ASXL2: variants seen among roughly 807,000 people sequenced by gnomAD.
ASXL2 encodes the protein putative Polycomb group protein ASXL2.
ASXL2 carries 23 observed loss-of-function variants against 122.0 expected under a neutral mutation model. The observed-to-expected ratio is 0.19, with a 90% CI of 0.14 to 0.27. The LOEUF is 0.27. Ranked by LOEUF, ASXL2 falls within the 10% of genes least tolerant of loss-of-function variation. The pLI is 1.00. For synonymous variants in ASXL2, 650 were observed against 637.0 expected, an observed-to-expected ratio of 1.02 and a Z score of -0.31; for missense variants, 1,518 against 1,713.8, an observed-to-expected ratio of 0.89 and a Z score of 2.02.
chr2:25,845,545 T>A lies in ASXL2; in HGVS notation c.76A>T (p.Asn26Tyr). 6.9e-7 allele frequency: 1 copy of A among 1,444,706 alleles called. No homozygotes were observed. The highest frequency in any genetic ancestry group is 2.6e-5 in the East Asian group (1 of 38,626). The allele number at this position is 1,444,706 out of a possible 1,614,324, so 89.5% of individuals were successfully genotyped here. A position where few individuals can be genotyped will look rare whatever the true frequency, so the allele number is the denominator to read the frequency against. ...AAKTVLEKYP[N>Y]TPMSHKEILQ... is the part of the protein sequence containing the mutation. ...ATTTCTTTATGACTCATGGGTGTAT[T>A]GGGGTATTTTTCTAAGACCTGAAAA... The change falls in exon 2 of 13, where the codon AAT becomes TAT. Residue 26 changes from asparagine (N) to tyrosine (Y), a missense_variant. Coordinates refer to ENST00000435504, the MANE Select transcript of ASXL2 (RefSeq NM_018263.6).
At chr2:25,838,600 T>C (rs1023460195) in intron 2 of ASXL2, among the ~76,000 whole-genome samples, 4 of 152,228 alleles carry the variant, frequency 2.6e-5, no homozygotes, top group Middle Eastern at 3.4e-3. Context: ...TCCTGACAAA[T>C]AGTTTGTAAT....
At chr2:25,837,947 T>G (rs1420114483) in intron 2 of ASXL2, among the ~76,000 whole-genome samples, 1 of 125,488 alleles carries the variant, frequency 8.0e-6, no homozygotes, top group Non-Finnish European at 1.6e-5. Context: ...CAAAACCCTG[T>G]CTCTACAAAA....
At chr2:25,816,690 A>T (rs1283658870) in intron 3 of ASXL2, among the ~76,000 whole-genome samples, 3 of 152,250 alleles carry the variant, frequency 2.0e-5, no homozygotes, top group African/African-American at 7.2e-5. Flanking sequence ...ATATTGACCA[A>T]TAAAGCAAGC....
chr2:25,868,962 C>A (rs890809730), intron 1 of ASXL2, among the ~76,000 whole-genome samples: 22 of 151,952 alleles, frequency 1.4e-4, no homozygotes, highest in African/African-American at 4.8e-4. Context: ...GTCAGGAGTT[C>A]AAGACCAGCC....
At chr2:25,748,264 AGAG>A (rs1559499790) in intron 12 of ASXL2, among the ~76,000 whole-genome samples, 1 of 151,710 alleles carries the variant, frequency 6.6e-6, no homozygotes, top group Non-Finnish European at 1.5e-5. Context: ...TTTGGGAGGC[AGAG>A]GAGGGCAGAT....
chr2:25,844,787 ACACCAC>A (rs1375759093), intron 2 of ASXL2, among the ~76,000 whole-genome samples: 1 of 152,002 alleles, frequency 6.6e-6, no homozygotes, highest in Admixed American at 6.6e-5. Context: ...CTATAGGAGC[ACACCAC>A]CACATCTAGT....
At chr2:25,745,641 C>CTT (rs59530493) in intron 12 of ASXL2, among the ~76,000 whole-genome samples, 103 of 75,618 alleles carry the variant, frequency 1.4e-3, no homozygotes, top group Middle Eastern at 0.013. Context: ...TGATTTCCTT[C>CTT]TTTTTTTTTT....
chr2:25,850,854 A>C (rs999519271), intron 1 of ASXL2, among the ~76,000 whole-genome samples: 1 of 152,202 alleles, frequency 6.6e-6, no homozygotes, highest in Admixed American at 6.5e-5. Flanking sequence ...CATATTAAAA[A>C]AGCAGGATAA....
At chr2:25,816,023 G>A (rs949595158) in intron 3 of ASXL2, among the ~76,000 whole-genome samples, 2 of 152,158 alleles carry the variant, frequency 1.3e-5, no homozygotes, top group African/African-American at 4.8e-5. Context: ...AATGTAAGAG[G>A]TAAGATGCTA....
At chr2:25,824,115 T>C (rs929811309) in intron 3 of ASXL2, among the ~76,000 whole-genome samples, 2 of 147,616 alleles carry the variant, frequency 1.4e-5, no homozygotes, top group African/African-American at 5.0e-5. Context: ...CAATAATTAG[T>C]AGTTATGCTG....
intron 8 of ASXL2, 55 bp from the exon 9 acceptor site, chr2:25,759,700 TA>T: frequency 6.4e-7 from 1 of 1,556,808 alleles, no homozygotes; most frequent in Admixed American, 1.8e-5. Context: ...TGTTTCTATA[TA>T]AACTGTAGCT....
chr2:25,738,614 C>A lies in ASXL2; in HGVS notation c.*3415G>T, dbSNP rs1241798609. On this transcript the variant is annotated 3_prime_UTR_variant, in exon 13 of 13. Coordinates refer to ENST00000435504, the MANE Select transcript of ASXL2 (RefSeq NM_018263.6). ...ACCAGAGAAGTCTCCCCACTCCTCACCCCCATTATAGCAAATCACTTCACC... is the reference window on the plus strand; with the variant it reads ...ACCAGAGAAGTCTCCCCACTCCTCAACCCCATTATAGCAAATCACTTCACC... 2.0e-5 allele frequency: 3 copies of A among 152,276 alleles called. No individual in the cohort carries two copies. Among genetic ancestry groups the A allele is most frequent in the Admixed American group, 6.5e-5 (1 of 15,282 alleles). The allele number at this position is 152,276 out of a possible 1,614,324, so 9.4% of individuals were successfully genotyped here. A position where few individuals can be genotyped will look rare whatever the true frequency, so the allele number is the denominator to read the frequency against.
intron 1 of ASXL2, among the ~76,000 whole-genome samples, chr2:25,860,045 G>A (rs898435361): frequency 6.6e-6 from 1 of 152,130 alleles, no homozygotes; most frequent in African/African-American, 2.4e-5. Context: ...TAAATGCTCA[G>A]GCATGGTGGC....
intron 5 of ASXL2, among the ~76,000 whole-genome samples, chr2:25,781,959 C>CTTG (rs2088647100): frequency 1.1e-5 from 1 of 88,400 alleles, no homozygotes; most frequent in African/African-American, 4.4e-5. Context: ...ACCGCCCGGG[C>CTTG]TTTTTTCTTT....
intron 1 of ASXL2, among the ~76,000 whole-genome samples, chr2:25,872,650 T>C (rs563183213): frequency 1.3e-5 from 2 of 152,154 alleles, no homozygotes; most frequent in South Asian, 4.2e-4. Flanking sequence ...AAGGGAGAAA[T>C]AACTATAGAG....
intron 4 of ASXL2, among the ~76,000 whole-genome samples, chr2:25,800,446 GGTTA>G (rs58445911): frequency 6.6e-6 from 1 of 152,174 alleles, no homozygotes; most frequent in East Asian, 1.9e-4. Context: ...CCTGAATATT[GGTTA>G]GTAAGTAGCA....
rs979769757 is a variant in ASXL2, at chr2:25,735,931, G to A, written c.*6098C>T. On this transcript the variant is annotated 3_prime_UTR_variant, in exon 13 of 13. Transcript: ENST00000435504. ...CTCATTTAAATTTTCAACCTATCTT[G>A]GGAAAAAGGTAGTATTACTCCTTGA... 2.0e-5 allele frequency: 3 copies of A among 151,954 alleles called. No individual in the cohort carries two copies. Among genetic ancestry groups the A allele is most frequent in the Non-Finnish European group, 2.9e-5 (2 of 67,990 alleles). The allele number at this position is 151,954 out of a possible 1,614,324, so 9.4% of individuals were successfully genotyped here.
Position 25,740,525 on chromosome 2 carries a change from T to A in ASXL2, c.*1504A>T, listed in dbSNP as rs1054644094. On this transcript the variant is annotated 3_prime_UTR_variant, in exon 13 of 13. Coordinates refer to ENST00000435504, the MANE Select transcript of ASXL2 (RefSeq NM_018263.6). Reference sequence around the variant, plus strand: ...TGCAAATTGACACTCCCCCATTTAATACAAAATTCTGTTAAACTGCAGGTT... The same window carrying A: ...TGCAAATTGACACTCCCCCATTTAAAACAAAATTCTGTTAAACTGCAGGTT... The A allele has an allele frequency of 4.4e-5, 10 of 228,794 alleles. No homozygotes were observed. The East Asian group carries it at 6.3e-4, about 14-fold the overall frequency. The allele number at this position is 228,794 out of a possible 1,614,324, so 14.2% of individuals were successfully genotyped here.
chr2:25,826,687 T>G (rs2089381590), intron 3 of ASXL2, among the ~76,000 whole-genome samples: 1 of 141,746 alleles, frequency 7.1e-6, no homozygotes, highest in African/African-American at 2.6e-5. Flanking sequence ...CTGGCTGAAC[T>G]ATACACAATC....
Sources: gnomAD v4.1 joint callset for allele counts (sites outside exome capture counted in the v4.1 genomes callset) on GRCh38, gnomAD v4.1.1 for gene constraint, MANE v1.5 for transcripts, NCBI Gene and HGNC (gene_info 2026-07-23, HGNC 2026-07-21) for gene names.